The following PRKCB variants were observed in gnomAD, a reference collection of about 807,000 sequenced individuals.
PRKCB encodes protein kinase C beta.
Under a neutral mutation model 81.5 loss-of-function variants are expected in PRKCB, and 13 were observed. The observed-to-expected ratio is 0.16, with a 90% CI of 0.10 to 0.25. The LOEUF is 0.25. Ranked by LOEUF, PRKCB falls within the 10% of genes least tolerant of loss-of-function variation. The pLI is 1.00. For missense variants in PRKCB, 509 were observed against 875.7 expected, an observed-to-expected ratio of 0.58 and a Z score of 5.29; for synonymous variants, 335 against 321.4, an observed-to-expected ratio of 1.04 and a Z score of -0.45.
rs558603121 is a variant in PRKCB, at chr16:24,033,493, G to C, written c.400+1246G>C. Among the ~76,000 whole-genome samples, 3 of 152,282 alleles carry C rather than the reference G, an allele frequency of 2.0e-5. No individual in the cohort carries two copies. In the East Asian group the frequency reaches 5.8e-4, roughly 29 times the overall value. ...GACCAACAGATAAGCCAGGTGCAGT[G>C]GTTCACTCCTGTAATCCCAACACTT... On this transcript the variant is annotated intron_variant, in intron 4 of 16. Coordinates refer to ENST00000643927, the MANE Select transcript of PRKCB (RefSeq NM_002738.7).
At chr16:24,038,224 G>T (rs947706308) in intron 5 of PRKCB, among the ~76,000 whole-genome samples, 2 of 151,906 alleles carry the variant, frequency 1.3e-5, no homozygotes, top group African/African-American at 4.8e-5. Context: ...AAAAGGCCAG[G>T]TGTGGTGGCT....
intron 16 of PRKCB, among the ~76,000 whole-genome samples, chr16:24,209,724 C>A (rs1968108981): frequency 6.6e-6 from 1 of 152,144 alleles, no homozygotes; most frequent in Non-Finnish European, 1.5e-5. Context: ...ATTATCATAA[C>A]CACCTCCTCA....
chr16:24,021,109 TTCTC>T (rs375322061), intron 3 of PRKCB, among the ~76,000 whole-genome samples: 34 of 121,722 alleles, frequency 2.8e-4, no homozygotes, highest in African/African-American at 9.8e-4. Flanking sequence ...CTTTCTTTCC[TTCTC>T]TCTCTTTCTT....
At chr16:24,152,208 G>A (rs1293433258) in intron 9 of PRKCB, among the ~76,000 whole-genome samples, 2 of 152,106 alleles carry the variant, frequency 1.3e-5, no homozygotes, top group East Asian at 1.9e-4. Context: ...CTAAAGTCAC[G>A]TCTTACATGG....
intron 2 of PRKCB, among the ~76,000 whole-genome samples, chr16:23,977,941 C>T (rs747618895): frequency 2.2e-4 from 33 of 152,064 alleles, no homozygotes; most frequent in African/African-American, 2.9e-4. Context: ...TTCATTCATT[C>T]GCTCACATTT....
At chr16:23,861,123 G>A (rs1305473560) in intron 2 of PRKCB, among the ~76,000 whole-genome samples, 1 of 151,362 alleles carries the variant, frequency 6.6e-6, no homozygotes, top group African/African-American at 2.4e-5. Context: ...TATAGCAAGT[G>A]TTACTAGCTC....
Position 24,024,276 on chromosome 16 carries a change from A to G in PRKCB, c.289-7860A>G, listed in dbSNP as rs528344979. Among the ~76,000 whole-genome samples, 3 of 152,320 alleles carry G rather than the reference A, an allele frequency of 2.0e-5. No individual in the cohort carries two copies. The East Asian group carries it at 5.8e-4, about 29-fold the overall frequency. ...AATCTAATGAAGTTGAACTCACAGAAGTAGAGAGTAGAATGATGGTTACCA... is the reference window on the plus strand; with the variant it reads ...AATCTAATGAAGTTGAACTCACAGAGGTAGAGAGTAGAATGATGGTTACCA... On this transcript the variant is annotated intron_variant, in intron 3 of 16. Coordinates refer to ENST00000643927, the MANE Select transcript of PRKCB (RefSeq NM_002738.7).
chr16:23,988,587 C>T lies in PRKCB; in HGVS notation c.285C>T (p.Ser95=), dbSNP rs371087215. The T allele has an allele frequency of 2.8e-5, 45 of 1,613,708 alleles. No homozygotes were observed. The South Asian group carries it at 3.1e-4, about 11-fold the overall frequency. ...SCPGADKGPA[S]DDPRSKHKFK... ...CTGGCGCTGACAAGGGTCCAGCCTCCGATGTAAGTAATGGGCATCGATTGC... is the reference window on the plus strand; with the variant it reads ...CTGGCGCTGACAAGGGTCCAGCCTCTGATGTAAGTAATGGGCATCGATTGC... The change falls in exon 3 of 17, where the codon TCC becomes TCT. Residue 95 remains serine (S), a synonymous_variant. Transcript: ENST00000643927.
At chr16:24,167,571 A>C (rs1003293762) in intron 10 of PRKCB, among the ~76,000 whole-genome samples, 1 of 152,058 alleles carries the variant, frequency 6.6e-6, no homozygotes, top group African/African-American at 2.4e-5. Flanking sequence ...GAAAAAAAAA[A>C]ACAAAAAAAT....
At chr16:23,875,613 C>A (rs750424928) in intron 2 of PRKCB, among the ~76,000 whole-genome samples, 4 of 30,396 alleles carry the variant, frequency 1.3e-4, no homozygotes, top group South Asian at 7.7e-4. Flanking sequence ...ATGTATATCA[C>A]ACACATATAT....
chr16:24,117,395 T>A (rs957316765), intron 8 of PRKCB, among the ~76,000 whole-genome samples: 1 of 152,220 alleles, frequency 6.6e-6, no homozygotes, highest in Non-Finnish European at 1.5e-5. Context: ...GACTCCATTT[T>A]GGATGGCGCA....
At chr16:23,943,273 C>T (rs34561664) in intron 2 of PRKCB, among the ~76,000 whole-genome samples, 17 of 152,176 alleles carry the variant, frequency 1.1e-4, no homozygotes. Context: ...GCCTGTAATC[C>T]TAGTGCTTTG....
At chr16:24,013,723 G>A (rs1036921131) in intron 3 of PRKCB, among the ~76,000 whole-genome samples, 2 of 151,550 alleles carry the variant, frequency 1.3e-5, no homozygotes, top group East Asian at 3.9e-4. Context: ...TGTCTGTTCA[G>A]CAGAGTGGCG....
At chr16:23,922,637 G>A (rs1963842628) in intron 2 of PRKCB, among the ~76,000 whole-genome samples, 1 of 152,214 alleles carries the variant, frequency 6.6e-6, no homozygotes, top group Admixed American at 6.5e-5. Context: ...ACTACAGAAT[G>A]ATCTCTGCAG....
At chr16:24,057,809 G>A (rs1244316210) in intron 5 of PRKCB, among the ~76,000 whole-genome samples, 1 of 151,730 alleles carries the variant, frequency 6.6e-6, no homozygotes, top group African/African-American at 2.4e-5. Context: ...TGGGCGCTTT[G>A]TCTATTTTCT....
At chr16:24,134,056 C>A (rs1206800768) in intron 9 of PRKCB, among the ~76,000 whole-genome samples, 2 of 151,974 alleles carry the variant, frequency 1.3e-5, no homozygotes, top group African/African-American at 4.8e-5. Context: ...CCACCACACC[C>A]AGCTAATTTT....
intron 3 of PRKCB, among the ~76,000 whole-genome samples, chr16:24,015,026 C>T (rs1338710038): frequency 2.6e-5 from 4 of 152,150 alleles, no homozygotes; most frequent in Admixed American, 2.0e-4. Flanking sequence ...GTCTCGAACT[C>T]CTGGCCTCAA....
At chr16:23,955,348 T>C (rs1476860050) in intron 2 of PRKCB, among the ~76,000 whole-genome samples, 2 of 152,124 alleles carry the variant, frequency 1.3e-5, no homozygotes, top group Admixed American at 1.3e-4. Context: ...TGCTTGAGAC[T>C]CACTTTTCCG....
chr16:24,010,462 C>T (rs952005431), intron 3 of PRKCB, among the ~76,000 whole-genome samples: 1 of 152,092 alleles, frequency 6.6e-6, no homozygotes, highest in Non-Finnish European at 1.5e-5. Flanking sequence ...GGAAGGTCTC[C>T]CCCACCCCAC....
Sources: allele counts gnomAD v4.1 joint callset (sites outside exome capture counted in the v4.1 genomes callset), GRCh38; gene constraint gnomAD v4.1.1; transcripts MANE v1.5; gene names NCBI Gene and HGNC (gene_info 2026-07-23, HGNC 2026-07-21).